Variants in PPP2R5A observed in about 807,000 individuals in gnomAD.
PPP2R5A encodes serine/threonine-protein phosphatase 2A 56 kDa regulatory subunit alpha isoform.
A neutral mutation model predicts 64.2 loss-of-function variants in PPP2R5A; 25 were observed. That is an observed-to-expected ratio of 0.39 (90% CI 0.28 to 0.54). The LOEUF (loss-of-function observed/expected upper bound fraction) is 0.54, where lower values mean the gene tolerates loss of function less well. PPP2R5A is among the 20% of genes least tolerant of loss of function. The pLI is 0.67. For synonymous variants in PPP2R5A, 198 were observed against 201.2 expected (o/e 0.98, Z 0.13); for missense variants, 425 against 576.3 (o/e 0.74, Z 2.69).
In PPP2R5A at chr1:212,360,813, T is replaced by C; in HGVS notation, c.*43T>C. The stretch of plus-strand genomic sequence containing the variant: ...TCTGCCGGATAGGCAGAGTTTTGTA[T>C]GCTTTTTTGAAATATGTAAAAATTA... On this transcript the variant is annotated 3_prime_UTR_variant, in exon 13 of 13. Transcript: ENST00000261461. The C allele has an allele frequency of 2.0e-6, 3 of 1,481,570 alleles. No individual in the cohort carries two copies. The highest frequency in any genetic ancestry group is 2.7e-6 in the Non-Finnish European group (3 of 1,113,872). The allele number at this position is 1,481,570 out of a possible 1,614,324, so 91.8% of individuals were successfully genotyped here.
Position 212,347,404 on chromosome 1 carries a change from A to G in PPP2R5A, c.762A>G (p.Gly254=). ...NGVAELLEIL[G]SIINGFALPL... ...TTGCTGAACTTCTTGAAATATTAGG[A>G]AGGTAGGTCAGGTTTTTTTGTTCTT... Residue 254 remains glycine (G), a splice_region_variant and synonymous_variant, in exon 6 of 13, where the codon GGA becomes GGG. Transcript: ENST00000261461. The G allele has an allele frequency of 6.3e-7, 1 of 1,589,372 alleles. No homozygotes were observed. The highest frequency in any genetic ancestry group is 1.7e-4 in the Middle Eastern group (1 of 6,002).
intron 1 of PPP2R5A, among the ~76,000 whole-genome samples, chr1:212,320,577 G>GT (rs1659255060): frequency 7.2e-6 from 1 of 138,786 alleles, no homozygotes; most frequent in African/African-American, 3.1e-5. Flanking sequence ...GCGGGGGGCT[G>GT]ACCCCCCCGC....
intron 8 of PPP2R5A, among the ~76,000 whole-genome samples, chr1:212,351,990 ATTTT>A (rs1478228491): frequency 6.7e-6 from 1 of 149,196 alleles, no homozygotes. Flanking sequence ...TTTATATTTT[ATTTT>A]ATTATTTTAT....
intron 3 of PPP2R5A, among the ~76,000 whole-genome samples, chr1:212,337,246 C>T (rs1264045836): frequency 2.0e-5 from 3 of 152,044 alleles, no homozygotes; most frequent in Non-Finnish European, 4.4e-5. Context: ...TGAAGACTAA[C>T]AATATATTAA....
chr1:212,332,610 A>C (rs1421217145), intron 2 of PPP2R5A, among the ~76,000 whole-genome samples: 1 of 152,214 alleles, frequency 6.6e-6, no homozygotes, highest in Non-Finnish European at 1.5e-5. Context: ...AAATACAGTA[A>C]ATTAAATCAT....
In PPP2R5A at chr1:212,322,755, TTTTATTTATTTA is replaced by T. The variant is rs59766947; in HGVS notation, c.182-6352_182-6341del. ...CTTTCTTGCATTTAATTAATTCTCA[TTTTATTTATTTA>T]TTTATTTATTTATTTATTTATTTAT... On this transcript the variant is annotated intron_variant, in intron 1 of 12. Coordinates refer to ENST00000261461, the MANE Select transcript of PPP2R5A (RefSeq NM_006243.4). 2.0e-3 allele frequency among the ~76,000 whole-genome samples: 291 copies of T among 147,102 alleles called. 1 individual carries two copies. Among genetic ancestry groups the T allele is most frequent in the African/African-American group, 6.3e-3 (255 of 40,230 alleles).
intron 1 of PPP2R5A, among the ~76,000 whole-genome samples, chr1:212,323,242 T>G (rs1259729865): frequency 6.6e-6 from 1 of 152,248 alleles, no homozygotes; most frequent in East Asian, 1.9e-4. Flanking sequence ...TTACTTTCTG[T>G]GTTCTGTATC....
chr1:212,346,004 TTTTA>T (rs1233044078), intron 5 of PPP2R5A, 71 bp downstream of exon 5: 13 of 1,428,906 alleles, frequency 9.1e-6, no homozygotes, highest in African/African-American at 8.7e-5. Flanking sequence ...GTTCTTTTAT[TTTTA>T]TTTGTTTTTT....
Position 212,329,155 on chromosome 1 carries a change from CAA to C in PPP2R5A, c.203_204del (p.Gln68ArgfsTer15), listed in dbSNP as rs1659457064. The C allele has an allele frequency of 6.5e-7, 1 of 1,527,184 alleles. No homozygotes were observed. Among genetic ancestry groups the C allele is most frequent in the African/African-American group, 1.4e-5 (1 of 71,640 alleles). The allele number at this position is 1,527,184 out of a possible 1,614,324, so 94.6% of individuals were successfully genotyped here. A position where few individuals can be genotyped will look rare whatever the true frequency, so the allele number is the denominator to read the frequency against. ...QLKDATSNEQ[Q>X]ELFCQKLQQC... ...TATAGATGCCACTTCAAATGAACAA[CAA>C]GAGCTTTTCTGTCAGAAGTTGCAGC... On this transcript the variant is annotated frameshift_variant, in exon 2 of 13. Coordinates refer to ENST00000261461, the MANE Select transcript of PPP2R5A (RefSeq NM_006243.4). LOFTEE classifies it high-confidence loss of function.
In PPP2R5A at chr1:212,301,799, G is replaced by C. The variant is rs1165813875; in HGVS notation, c.181+15508G>C. 4 of 1,122,564 alleles carry C rather than the reference G, an allele frequency of 3.6e-6. No homozygotes were observed. The Admixed American group carries it at 1.9e-4, about 52-fold the overall frequency. 69.5% of individuals were successfully genotyped at this position (1,122,564 alleles called of 1,614,324 possible). A position where few individuals can be genotyped will look rare whatever the true frequency, so the allele number is the denominator to read the frequency against. ...GCGTGTCACTGTAGTGGTATTGCTG[G>C]GTTGCTATGATACAGTGCTTGTTCT... On this transcript the variant is annotated intron_variant, in intron 1 of 12. Coordinates refer to ENST00000261461, the MANE Select transcript of PPP2R5A (RefSeq NM_006243.4).
At chr1:212,317,193 A>G (rs1348423374) in intron 1 of PPP2R5A, among the ~76,000 whole-genome samples, 1 of 152,074 alleles carries the variant, frequency 6.6e-6, no homozygotes, top group Middle Eastern at 3.2e-3. Flanking sequence ...TCTCTTGCCT[A>G]TGGGCCTATT....
chr1:212,294,232 A>G (rs897638213), intron 1 of PPP2R5A, among the ~76,000 whole-genome samples: 3 of 152,186 alleles, frequency 2.0e-5, no homozygotes, highest in East Asian at 1.9e-4. Flanking sequence ...CCATAAGTCA[A>G]TGGTTATTTG....
chr1:212,305,712 A>G (rs1212746745), intron 1 of PPP2R5A, among the ~76,000 whole-genome samples: 3 of 151,940 alleles, frequency 2.0e-5, no homozygotes, highest in African/African-American at 7.3e-5. Flanking sequence ...TTTTCTTCAT[A>G]TATTTTGGTA....
intron 1 of PPP2R5A, among the ~76,000 whole-genome samples, chr1:212,290,522 AAAT>A (rs1369419924): frequency 2.0e-5 from 3 of 152,234 alleles, no homozygotes; most frequent in Admixed American, 6.5e-5. Context: ...TATTTTTAAA[AAAT>A]TTAAAACATT....
chr1:212,306,475 T>C (rs1189140197), intron 1 of PPP2R5A, among the ~76,000 whole-genome samples: 2 of 152,192 alleles, frequency 1.3e-5, no homozygotes, highest in Admixed American at 6.5e-5. Flanking sequence ...TACAGTTTGA[T>C]ATATATATCT....
At chr1:212,355,607 T>C (rs961523557) in intron 8 of PPP2R5A, among the ~76,000 whole-genome samples, 5 of 152,148 alleles carry the variant, frequency 3.3e-5, no homozygotes, top group Non-Finnish European at 7.3e-5. Flanking sequence ...ACTAAATTTT[T>C]TTATCAGAAT....
intron 3 of PPP2R5A, among the ~76,000 whole-genome samples, chr1:212,334,275 AC>A (rs1659554719): frequency 6.6e-6 from 1 of 152,182 alleles, no homozygotes; most frequent in East Asian, 1.9e-4. Flanking sequence ...AAATTTTTAT[AC>A]ATTATGTTTT....
chr1:212,301,167 C>T (rs1326928447), intron 1 of PPP2R5A, among the ~76,000 whole-genome samples: 6 of 152,234 alleles, frequency 3.9e-5, no homozygotes, highest in South Asian at 4.1e-4. Flanking sequence ...CGAGCCACCA[C>T]GCCTGGCTAA....
At chr1:212,324,435 GTCT>G (rs1185915906) in intron 1 of PPP2R5A, among the ~76,000 whole-genome samples, 2 of 152,136 alleles carry the variant, frequency 1.3e-5, no homozygotes, top group Admixed American at 6.5e-5. Flanking sequence ...GTCATTTTGT[GTCT>G]TCTTTTTTGC....
Sources: gnomAD v4.1 joint callset for allele counts (sites outside exome capture counted in the v4.1 genomes callset) on GRCh38, gnomAD v4.1.1 for gene constraint, MANE v1.5 for transcripts, NCBI Gene and HGNC (gene_info 2026-07-23, HGNC 2026-07-21) for gene names.